MROH2B: variants seen among roughly 807,000 people sequenced by gnomAD.
MROH2B encodes the protein maestro heat-like repeat-containing protein family member 2B.
MROH2B carries 177 observed loss-of-function variants against 208.6 expected under a neutral mutation model. That is an observed-to-expected ratio of 0.85 (90% CI 0.75 to 0.96). The LOEUF is 0.96. MROH2B is among the 40% of genes least tolerant of loss of function. The probability of loss-of-function intolerance (pLI) is 0.00; values close to 1 mark genes in which losing one functional copy is unlikely to be tolerated. For synonymous variants in MROH2B, 728 were observed against 659.0 expected (o/e 1.10, Z -1.60); for missense variants, 2,002 against 1,878.7 (o/e 1.07, Z -1.21).
At chr5:41,005,247 G>A (rs946364962) in intron 35 of MROH2B, 2 of 519,726 alleles carry the variant, frequency 3.8e-6, no homozygotes, top group African/African-American at 1.9e-5. Flanking sequence ...GGAATTTGAA[G>A]CGTCAGTGCT....
intron 24 of MROH2B, among the ~76,000 whole-genome samples, chr5:41,031,371 C>T (rs189734671): frequency 6.6e-6 from 1 of 152,118 alleles, no homozygotes; most frequent in East Asian, 1.9e-4. Context: ...ATCTAATCAC[C>T]CCACGCCTTT....
intron 37 of MROH2B, among the ~76,000 whole-genome samples, chr5:41,002,991 A>T (rs189709737): frequency 7.0e-6 from 1 of 142,696 alleles, no homozygotes; most frequent in East Asian, 2.0e-4. Context: ...ATGGAGTTTC[A>T]CTCTTGTTGC....
chr5:41,038,677 C>G (rs1300798872), intron 21 of MROH2B, 59 bp downstream of exon 21: 9 of 1,520,972 alleles, frequency 5.9e-6, no homozygotes, highest in Non-Finnish European at 8.0e-6. Context: ...GGGACTGAGC[C>G]CCTGCAAGTT....
chr5:41,059,540 C>G (rs146769998), intron 6 of MROH2B, among the ~76,000 whole-genome samples: 5 of 152,136 alleles, frequency 3.3e-5, no homozygotes, highest in African/African-American at 1.2e-4. Flanking sequence ...AACTTAGTGG[C>G]TAATGGCAAC....
chr5:41,066,972 C>T (rs549388354), intron 3 of MROH2B, 136 bp downstream of exon 3: 17 of 651,854 alleles, frequency 2.6e-5, no homozygotes, highest in Non-Finnish European at 3.6e-5. Flanking sequence ...GGCATTATAA[C>T]GATATCCAAG....
rs181495873 is a variant in MROH2B at position 41,015,856 on chromosome 5, T to C, written c.2885-378A>G. ...GGTTCCAACTACTCTGCTATGCTGC[T>C]ATCTCTCTTGGATTTCTATTCTTCA... On this transcript the variant is annotated intron_variant, in intron 28 of 41. Transcript: ENST00000399564. Among the ~76,000 whole-genome samples, 113 of 152,344 alleles carry C rather than the reference T, an allele frequency of 7.4e-4. 1 individual carries two copies. In the South Asian group the frequency reaches 8.7e-3, roughly 12 times the overall value.
Position 41,065,361 on chromosome 5 carries a change from G to A in MROH2B, c.331C>T (p.Leu111Phe). The stretch of plus-strand genomic sequence containing the variant: ...CTGGTTGCCAATTCAGCCAGGGCAA[G>A]CACAACGAATTCATCTGGTAGCTCT... ...ILELPDEFVV[L>F]ALAELATSYV... Residue 111 changes from leucine to phenylalanine, a missense_variant, in exon 4 of 42, where the codon CTT becomes TTT. Transcript: ENST00000399564. 1.2e-6 allele frequency: 2 copies of A among 1,613,086 alleles called. No individual in the cohort carries two copies. Among genetic ancestry groups the A allele is most frequent in the South Asian group, 1.1e-5 (1 of 90,884 alleles).
At chr5:40,999,168 T>G (rs1741306721) in intron 40 of MROH2B, among the ~76,000 whole-genome samples, 2 of 152,238 alleles carry the variant, frequency 1.3e-5, no homozygotes, top group African/African-American at 4.8e-5. Context: ...TACTTATGTT[T>G]TATTTTATAC....
chr5:41,016,269 T>G (rs1741945600), intron 28 of MROH2B, among the ~76,000 whole-genome samples: 1 of 152,174 alleles, frequency 6.6e-6, no homozygotes, highest in African/African-American at 2.4e-5. Flanking sequence ...GGTGTTTTAG[T>G]AATACATGTT....
At chr5:41,005,029 G>T in intron 35 of MROH2B, 109 bp from the exon 36 acceptor site, 4 of 1,415,500 alleles carry the variant, frequency 2.8e-6, no homozygotes, top group Non-Finnish European at 3.8e-6. Flanking sequence ...CACTGCTTGT[G>T]CAGCGGAGGA....
chr5:41,018,481 T>G, intron 26 of MROH2B, 51 bp from the exon 27 acceptor site: 1 of 1,562,170 alleles, frequency 6.4e-7, no homozygotes, highest in South Asian at 1.2e-5. Flanking sequence ...CATATTCATC[T>G]AGTTTCATAT....
At chr5:41,004,285 C>A (rs1561272963) in intron 37 of MROH2B, 61 bp downstream of exon 37, 2 of 1,566,400 alleles carry the variant, frequency 1.3e-6, no homozygotes, top group Non-Finnish European at 1.7e-6. Context: ...GTGAGCACTA[C>A]CTAAACCTGT....
intron 3 of MROH2B, among the ~76,000 whole-genome samples, chr5:41,065,982 G>A (rs1310925809): frequency 6.6e-6 from 1 of 152,192 alleles, no homozygotes; most frequent in Non-Finnish European, 1.5e-5. Context: ...GAGGTAATTA[G>A]AGTGAATTTA....
At chr5:41,058,565 C>A (rs1431879147) in intron 6 of MROH2B, among the ~76,000 whole-genome samples, 1 of 152,228 alleles carries the variant, frequency 6.6e-6, no homozygotes, top group East Asian at 1.9e-4. Context: ...TCAAGCAATT[C>A]TCCCGCCTCA....
At chr5:41,016,813 C>T (rs1043377304) in intron 28 of MROH2B, among the ~76,000 whole-genome samples, 6 of 152,032 alleles carry the variant, frequency 3.9e-5, no homozygotes, top group Admixed American at 1.3e-4. Context: ...TTCCTTAATT[C>T]TATTTTTTTC....
In MROH2B at chr5:41,004,880, C is replaced by G. The variant is rs549101906; in HGVS notation, c.3905G>C (p.Arg1302Pro). The G allele has an allele frequency of 1.2e-6, 2 of 1,613,862 alleles. No homozygotes were observed. Among genetic ancestry groups the G allele is most frequent in the East Asian group, 4.5e-5 (2 of 44,890 alleles). ...EPILWKHGNL[R>P]NVLILMDQSA... The stretch of plus-strand genomic sequence containing the variant: ...TTGATCCATCAAGATCAGCACATTT[C>G]GCAGATTCCCATGCTTCCAAAGGAT... The change falls in exon 36 of 42, where the codon CGA becomes CCA. Residue 1302 changes from arginine (R) to proline (P), a missense_variant. Physicochemically the swap from Arg to Pro is moderately radical, Grantham distance 103. Coordinates refer to ENST00000399564, the MANE Select transcript of MROH2B (RefSeq NM_173489.5).
At position 41,018,909 on chromosome 5, in the gene MROH2B, T is replaced by C. The variant is rs991006756; in HGVS notation, c.2551A>G (p.Thr851Ala). 1 of 1,613,932 alleles carries C rather than the reference T, an allele frequency of 6.2e-7. No homozygotes were observed. The change falls in exon 25 of 42, where the codon ACA becomes GCA. Residue 851 changes from threonine to alanine, a missense_variant. By Grantham distance (58) the Thr-to-Ala change is moderately conservative. Transcript: ENST00000399564. ...TGAATGTGCTCCTTGTCCTTGTCTG[T>C]CTGGCCTTCACTTTTCAGATTTTCC... ...PLENLKSEGQ[T>A]DKDKEHIQFL...
intron 21 of MROH2B, among the ~76,000 whole-genome samples, chr5:41,037,825 C>T (rs2150169637): frequency 6.6e-6 from 1 of 152,244 alleles, no homozygotes; most frequent in East Asian, 1.9e-4. Context: ...ACTAACTTCC[C>T]TAGAAAACAA....
At chr5:41,005,487 T>C (rs1207180159) in intron 35 of MROH2B, 44 bp downstream of exon 35, 20 of 1,209,970 alleles carry the variant, frequency 1.7e-5, no homozygotes, top group Non-Finnish European at 2.2e-5. Context: ...AGAAATACCC[T>C]ATGGGGACCC....
Sources: gnomAD v4.1 joint callset for allele counts (sites outside exome capture counted in the v4.1 genomes callset) on GRCh38, gnomAD v4.1.1 for gene constraint, MANE v1.5 for transcripts, NCBI Gene and HGNC (gene_info 2026-07-23, HGNC 2026-07-21) for gene names.